RPS6KA2: variants seen among roughly 807,000 people sequenced by gnomAD.
The protein encoded by RPS6KA2 is ribosomal protein S6 kinase alpha-2.
RPS6KA2 carries 42 observed loss-of-function variants against 91.8 expected under a neutral mutation model. That is an observed-to-expected ratio of 0.46 (90% CI 0.36 to 0.59). RPS6KA2 has a LOEUF of 0.59. Among genes scored for constraint, RPS6KA2 ranks in the 20% least tolerant of loss-of-function variants. The probability of loss-of-function intolerance (pLI) is 0.00; values close to 1 mark genes in which losing one functional copy is unlikely to be tolerated. For synonymous variants in RPS6KA2, 414 were observed against 393.6 expected (o/e 1.05, Z -0.61); for missense variants, 798 against 978.5 (o/e 0.82, Z 2.46).
At chr6:166,579,335 A>G (rs1784936186) in intron 1 of RPS6KA2, among the ~76,000 whole-genome samples, 1 of 152,204 alleles carries the variant, frequency 6.6e-6, no homozygotes, top group Non-Finnish European at 1.5e-5. Flanking sequence ...TCTGTACAGA[A>G]TGCTACAGAA....
chr6:166,728,471 TCTCTTC>T (rs1361942486), intron 2 of RPS6KA2, among the ~76,000 whole-genome samples: 1 of 152,152 alleles, frequency 6.6e-6, no homozygotes, highest in African/African-American at 2.4e-5. Context: ...CCTATTCTTC[TCTCTTC>T]CAGTTTGGGC....
chr6:166,736,465 C>G (rs945469729), intron 2 of RPS6KA2, among the ~76,000 whole-genome samples: 1 of 152,226 alleles, frequency 6.6e-6, no homozygotes, highest in African/African-American at 2.4e-5. Flanking sequence ...AGATTGGATT[C>G]CATAATGCTC....
intron 10 of RPS6KA2, among the ~76,000 whole-genome samples, chr6:166,488,079 G>A (rs945203230): frequency 1.4e-5 from 2 of 143,388 alleles, no homozygotes; most frequent in Admixed American, 1.4e-4. Context: ...CTATCTATGA[G>A]GTTAGAGTTT....
intron 2 of RPS6KA2, among the ~76,000 whole-genome samples, chr6:166,742,444 G>C (rs1351661395): frequency 6.6e-6 from 1 of 152,226 alleles, no homozygotes; most frequent in Non-Finnish European, 1.5e-5. Context: ...CTAGTTAAAG[G>C]AGAAAATGCA....
At chr6:166,673,604 C>T (rs1788541198) in intron 2 of RPS6KA2, among the ~76,000 whole-genome samples, 1 of 152,226 alleles carries the variant, frequency 6.6e-6, no homozygotes. Flanking sequence ...CAAAACAGGA[C>T]AAAAGTTTGC....
At position 166,410,838 on chromosome 6, in the gene RPS6KA2, G is replaced by A. The variant is rs1250994588; in HGVS notation, c.*1924C>T. 2 of 152,168 alleles carry A rather than the reference G, an allele frequency of 1.3e-5. No individual in the cohort carries two copies. Among genetic ancestry groups the A allele is most frequent in the African/African-American group, 4.8e-5 (2 of 41,496 alleles). 9.4% of individuals were successfully genotyped at this position (152,168 alleles called of 1,614,324 possible). A position where few individuals can be genotyped will look rare whatever the true frequency, so the allele number is the denominator to read the frequency against. ...CCGGGCAGCTGATGGGGGAATCGTT[G>A]CCTGTGTAGCAAGCAGAAAAGGTGA... On this transcript the variant is annotated 3_prime_UTR_variant, in exon 21 of 21. Transcript: ENST00000265678.
chr6:166,777,451 C>T lies in RPS6KA2; in HGVS notation c.123+80749G>A, dbSNP rs531872073. On this transcript the variant is annotated intron_variant, in intron 2 of 21. Transcript: ENST00000503859. ...AAGCACAGAGAGAGGAAGTGGCCTCCGAGTGCACGCACAGCCAGGAGCCCC... is the reference window on the plus strand; with the variant it reads ...AAGCACAGAGAGAGGAAGTGGCCTCTGAGTGCACGCACAGCCAGGAGCCCC... Among the ~76,000 whole-genome samples the T allele has an allele frequency of 2.5e-4, 38 of 152,248 alleles. 1 individual carries two copies. Among genetic ancestry groups the T allele is most frequent in the African/African-American group, 8.9e-4 (37 of 41,536 alleles).
intron 15 of RPS6KA2, 60 bp from the exon 16 acceptor site, chr6:166,430,671 A>C: frequency 6.5e-7 from 1 of 1,536,838 alleles, no homozygotes. Flanking sequence ...AAGAGCAACT[A>C]CTCCAGAGGG....
chr6:166,536,532 G>A (rs1045266588), intron 2 of RPS6KA2, among the ~76,000 whole-genome samples: 11 of 152,178 alleles, frequency 7.2e-5, no homozygotes, highest in Non-Finnish European at 1.6e-4. Flanking sequence ...GACGATATTA[G>A]CTCCAACCTT....
At chr6:166,449,304 C>G (rs1779776370) in intron 13 of RPS6KA2, among the ~76,000 whole-genome samples, 2 of 152,132 alleles carry the variant, frequency 1.3e-5, no homozygotes, top group Non-Finnish European at 2.9e-5. Context: ...CCCACCCGCT[C>G]TTAACTAAGA....
chr6:166,617,617 C>A (rs1434030275), intron 1 of RPS6KA2, among the ~76,000 whole-genome samples: 1 of 152,168 alleles, frequency 6.6e-6, no homozygotes, highest in Non-Finnish European at 1.5e-5. Flanking sequence ...CAGGTAAGCA[C>A]CACTTTTTGT....
chr6:166,452,771 C>T (rs1001786943), intron 12 of RPS6KA2, among the ~76,000 whole-genome samples: 1 of 152,242 alleles, frequency 6.6e-6, no homozygotes, highest in Middle Eastern at 3.4e-3. Context: ...TGAAACTGGA[C>T]CCCTATGTCT....
At chr6:166,855,187 G>A (rs1257516518) in intron 2 of RPS6KA2, among the ~76,000 whole-genome samples, 2 of 152,286 alleles carry the variant, frequency 1.3e-5, no homozygotes, top group East Asian at 1.9e-4. Context: ...AGGTGGGAGC[G>A]TGGGAGTGGG....
chr6:166,679,568 T>C (rs1274046624), intron 2 of RPS6KA2, among the ~76,000 whole-genome samples: 4 of 152,196 alleles, frequency 2.6e-5, no homozygotes, highest in Non-Finnish European at 5.9e-5. Flanking sequence ...CAAAAAGAGC[T>C]TGAACGTGAA....
At chr6:166,828,752 C>T (rs1422713578) in intron 2 of RPS6KA2, among the ~76,000 whole-genome samples, 1 of 152,206 alleles carries the variant, frequency 6.6e-6, no homozygotes, top group Non-Finnish European at 1.5e-5. Flanking sequence ...AAAGCTTTAT[C>T]ACATCAGATC....
At chr6:166,492,998 C>T (rs1362013857) in intron 8 of RPS6KA2, among the ~76,000 whole-genome samples, 1 of 151,062 alleles carries the variant, frequency 6.6e-6, no homozygotes, top group Non-Finnish European at 1.5e-5. Flanking sequence ...TCCCACAATG[C>T]TTGGATTATA....
rs1787702578 is a variant in RPS6KA2, at chr6:166,648,034, ATGCT to A, written c.124-109254_124-109251del. Among the ~76,000 whole-genome samples the A allele has an allele frequency of 1.4e-5, 2 of 145,738 alleles. No homozygotes were observed. Among genetic ancestry groups the A allele is most frequent in the African/African-American group, 5.3e-5 (2 of 37,490 alleles). ...CATGCTTACACACATACATACACAC[ATGCT>A]CTCACACACATGCACATGCTCACAC... On this transcript the variant is annotated intron_variant, in intron 2 of 21. Transcript: ENST00000503859. This position sits in a 1 kb window ranked among gnomAD's most constrained non-coding sequence, Gnocchi z 4.8.
chr6:166,461,284 A>G (rs1376933795), intron 11 of RPS6KA2, among the ~76,000 whole-genome samples: 2 of 152,098 alleles, frequency 1.3e-5, no homozygotes, highest in Non-Finnish European at 2.9e-5. Context: ...TGCTTTCTGC[A>G]GTGAGGCACA....
intron 2 of RPS6KA2, among the ~76,000 whole-genome samples, chr6:166,803,150 T>G (rs1779412342): frequency 6.6e-6 from 1 of 152,218 alleles, no homozygotes; most frequent in African/African-American, 2.4e-5. Context: ...GAAATTATTC[T>G]GCACTTTGAC....
Sources: allele counts gnomAD v4.1 joint callset (sites outside exome capture counted in the v4.1 genomes callset), GRCh38; gene constraint gnomAD v4.1.1; non-coding constraint Gnocchi (gnomAD v3.1); transcripts MANE v1.5; gene names NCBI Gene and HGNC (gene_info 2026-07-23, HGNC 2026-07-21).